Variants in G3BP2 observed in about 807,000 individuals in gnomAD.
The protein encoded by G3BP2 is ras GTPase-activating protein-binding protein 2.
Under a neutral mutation model 56.7 loss-of-function variants are expected in G3BP2, and 11 were observed. The observed-to-expected ratio is 0.19, with a 90% CI of 0.12 to 0.32. G3BP2 has a LOEUF of 0.32. Among genes scored for constraint, G3BP2 ranks in the 10% least tolerant of loss-of-function variants. The pLI, the probability that G3BP2 is intolerant of heterozygous loss-of-function variation, is 1.00. For synonymous variants in G3BP2, 165 were observed against 191.6 expected (o/e 0.86, Z 1.15); for missense variants, 340 against 610.9 (o/e 0.56, Z 4.67).
chr4:75,669,867 T>C (rs1193981170), intron 1 of G3BP2, among the ~76,000 whole-genome samples: 1 of 151,804 alleles, frequency 6.6e-6, no homozygotes, highest in Non-Finnish European at 1.5e-5. Context: ...CCGAGATGGG[T>C]GGATCACCTG....
chr4:75,661,807 T>C (rs1419414527), intron 2 of G3BP2, 124 bp downstream of exon 2: 1 of 585,580 alleles, frequency 1.7e-6, no homozygotes, highest in Non-Finnish European at 3.1e-6. Context: ...AAATATTGAA[T>C]ACAGTTTAGA....
intron 3 of G3BP2, among the ~76,000 whole-genome samples, chr4:75,694,580 G>A (rs950228752): frequency 3.9e-5 from 6 of 152,230 alleles, no homozygotes; most frequent in Non-Finnish European, 8.8e-5. Context: ...CTCCAGCCTG[G>A]ACGACAGGGC....
At chr4:75,696,839 G>T (rs566423646) in intron 3 of G3BP2, among the ~76,000 whole-genome samples, 1 of 152,258 alleles carries the variant, frequency 6.6e-6, no homozygotes, top group African/African-American at 2.4e-5. Context: ...AGAGTAACAT[G>T]AAGTTAAACT....
chr4:75,698,017 A>G (rs1318261308), intron 3 of G3BP2, among the ~76,000 whole-genome samples: 2 of 152,186 alleles, frequency 1.3e-5, no homozygotes, highest in African/African-American at 4.8e-5. Context: ...AATACACTCA[A>G]CTTCACTAAT....
intron 10 of G3BP2, 34 bp downstream of exon 10, chr4:75,646,995 T>G: frequency 1.4e-6 from 2 of 1,404,896 alleles, no homozygotes; most frequent in Non-Finnish European, 2.0e-6. Flanking sequence ...TTTAAAATAA[T>G]TTAAAAACTC....
At chr4:75,650,426 C>CAAAAAAAAAAAA (rs1220235661) in intron 8 of G3BP2, among the ~76,000 whole-genome samples, 1 of 76,762 alleles carries the variant, frequency 1.3e-5, no homozygotes, top group Non-Finnish European at 2.4e-5. Context: ...AACTCCATCT[C>CAAAAAAAAAAAA]AAAAAAAAAA....
intron 3 of G3BP2, among the ~76,000 whole-genome samples, chr4:75,708,252 G>A (rs569836240): frequency 8.7e-4 from 132 of 152,252 alleles, no homozygotes; most frequent in African/African-American, 3.2e-3. Flanking sequence ...CTCTTACAAA[G>A]AACTTGGCAA....
chr4:75,671,357 G>C (rs1733474204), intron 1 of G3BP2, among the ~76,000 whole-genome samples: 1 of 152,186 alleles, frequency 6.6e-6, no homozygotes, highest in Admixed American at 6.5e-5. Flanking sequence ...AATAAACAGC[G>C]ATAATTTTGC....
rs113019972 is a variant in G3BP2, at chr4:75,694,741, AAAAC to A, written c.-25+26132_-25+26135del. ...CAACAAGAGCGAGACTCTGTCTCGA[AAAAC>A]AAACAAACAAACAAACAAACAAACA... is the stretch of plus-strand genomic sequence containing the variant. On this transcript the variant is annotated intron_variant, in intron 3 of 3. Transcript: ENST00000499709. 3.5e-3 allele frequency: 3,390 copies of A among 980,656 alleles called. 32 individuals carry two copies. The highest frequency in any genetic ancestry group is 0.027 in the African/African-American group (1,575 of 57,278). The allele number at this position is 980,656 out of a possible 1,614,324, so 60.7% of individuals were successfully genotyped here.
chr4:75,652,218 A>G (rs1376437149), intron 8 of G3BP2, among the ~76,000 whole-genome samples: 1 of 152,192 alleles, frequency 6.6e-6, no homozygotes, highest in Non-Finnish European at 1.5e-5. Context: ...ATATGAAGGT[A>G]TTTTTCTGGG....
intron 3 of G3BP2, among the ~76,000 whole-genome samples, chr4:75,718,053 T>C (rs1164819892): frequency 2.0e-5 from 3 of 151,858 alleles, no homozygotes; most frequent in Non-Finnish European, 4.4e-5. Flanking sequence ...GCAGAATAGC[T>C]TGAACCTGGG....
At chr4:75,682,143 G>A (rs925151721) in intron 3 of G3BP2, among the ~76,000 whole-genome samples, 3 of 152,160 alleles carry the variant, frequency 2.0e-5, no homozygotes, top group Non-Finnish European at 2.9e-5. Context: ...TTGGCCAGGT[G>A]CGGTGGCTCA....
At chr4:75,694,927 A>G in intron 3 of G3BP2, 3 of 985,680 alleles carry the variant, frequency 3.0e-6, no homozygotes, top group Non-Finnish European at 3.6e-6. Context: ...GACATGAAGG[A>G]AACTGGAGCA....
At chr4:75,712,391 C>T (rs1400416263) in intron 3 of G3BP2, among the ~76,000 whole-genome samples, 5 of 152,082 alleles carry the variant, frequency 3.3e-5, no homozygotes, top group African/African-American at 1.2e-4. Flanking sequence ...TCTCATCATA[C>T]TCAATGTAAA....
At chr4:75,681,983 G>A (rs548611634) in intron 3 of G3BP2, among the ~76,000 whole-genome samples, 127 of 152,236 alleles carry the variant, frequency 8.3e-4, no homozygotes, top group Non-Finnish European at 1.4e-3. Flanking sequence ...TGATAACTGA[G>A]AAGGCTATGA....
intron 3 of G3BP2, among the ~76,000 whole-genome samples, chr4:75,683,999 A>G (rs1017394027): frequency 2.0e-5 from 3 of 152,220 alleles, no homozygotes; most frequent in Non-Finnish European, 2.9e-5. Flanking sequence ...ACAAAGAGCT[A>G]TGGAGAATCC....
At chr4:75,681,390 C>A (rs983964747) in intron 3 of G3BP2, among the ~76,000 whole-genome samples, 2 of 151,980 alleles carry the variant, frequency 1.3e-5, no homozygotes, top group Admixed American at 1.3e-4. Flanking sequence ...ATAGTAGTCC[C>A]CCCTTATCTG....
At chr4:75,694,517 T>A (rs959753433) in intron 3 of G3BP2, among the ~76,000 whole-genome samples, 8 of 152,092 alleles carry the variant, frequency 5.3e-5, no homozygotes, top group African/African-American at 1.5e-4. Flanking sequence ...GGCAGGAGAA[T>A]GGCGCGAACC....
At position 75,645,250 on chromosome 4, in the gene G3BP2, C is replaced by A; in HGVS notation, c.*180G>T. On this transcript the variant is annotated 3_prime_UTR_variant, in exon 12 of 12. Transcript: ENST00000359707. Reference sequence around the variant, plus strand: ...AGATTTATAAATTAACAATGTGAATCCTGTTGTGAAATTGGGGAAATAATG... The same window carrying A: ...AGATTTATAAATTAACAATGTGAATACTGTTGTGAAATTGGGGAAATAATG... 1.7e-6 allele frequency: 1 copy of A among 601,412 alleles called. No homozygotes were observed. The highest frequency in any genetic ancestry group is 2.9e-6 in the Non-Finnish European group (1 of 343,840). 37.3% of individuals were successfully genotyped at this position (601,412 alleles called of 1,614,324 possible). A position where few individuals can be genotyped will look rare whatever the true frequency, so the allele number is the denominator to read the frequency against.
Sources: allele counts gnomAD v4.1 joint callset (sites outside exome capture counted in the v4.1 genomes callset), GRCh38; gene constraint gnomAD v4.1.1; transcripts MANE v1.5; gene names NCBI Gene and HGNC (gene_info 2026-07-23, HGNC 2026-07-21).